GPAM: variants seen among roughly 807,000 people sequenced by gnomAD.
The protein encoded by GPAM is glycerol-3-phosphate acyltransferase, mitochondrial.
GPAM carries 56 observed loss-of-function variants against 105.0 expected under a neutral mutation model. That is an observed-to-expected ratio of 0.53 (90% CI 0.43 to 0.67). The LOEUF is 0.67. GPAM is among the 30% of genes least tolerant of loss of function. GPAM has a pLI of 0.00. For synonymous variants in GPAM, 368 were observed against 354.4 expected (o/e 1.04, Z -0.43); for missense variants, 855 against 989.8 (o/e 0.86, Z 1.83).
intron 1 of GPAM, among the ~76,000 whole-genome samples, chr10:112,202,864 G>A (rs1464394340): frequency 1.3e-5 from 2 of 152,188 alleles, no homozygotes; most frequent in African/African-American, 4.8e-5. Context: ...TTGGAAAGGT[G>A]AACATTATTT....
At chr10:112,153,799 G>GTAAA in intron 21 of GPAM, 133 bp from the exon 22 acceptor site, 1 of 858,020 alleles carries the variant, frequency 1.2e-6, no homozygotes, top group Admixed American at 2.4e-5. Flanking sequence ...CTGGCATTAA[G>GTAAA]TAAATGTATG....
In GPAM at chr10:112,178,023, C is replaced by A; in HGVS notation, c.260G>T (p.Gly87Val). 6.2e-7 allele frequency: 1 copy of A among 1,602,298 alleles called. No homozygotes were observed. The highest frequency in any genetic ancestry group is 8.5e-7 in the Non-Finnish European group (1 of 1,169,700). The change falls in exon 5 of 22, where the codon GGT (glycine) becomes GTT (valine). Residue 87 changes from glycine to valine, a missense_variant. Physicochemically the swap from Gly to Val is moderately radical, Grantham distance 109. Coordinates refer to ENST00000348367, the MANE Select transcript of GPAM (RefSeq NM_001244949.2). ...KFFNPSIPSL[G>V]LRNVIYINET... ...ATTGATATAAATAACATTCCGCAAA[C>A]CCAAAGACGGGATACTGGGGTTGAA...
chr10:112,219,800 T>C (rs917653627), upstream of GPAM, among the ~76,000 whole-genome samples: 2 of 152,136 alleles, frequency 1.3e-5, no homozygotes, highest in African/African-American at 4.8e-5. Flanking sequence ...GCCTTTAACC[T>C]CCAAAATGCC....
chr10:112,153,319 T>C lies in GPAM; in HGVS notation c.*231A>G. Reference sequence around the variant, plus strand: ...CATCTTGTAGTCTACGGATTATGAGTTGCGAATAGAGGCTGAGGTCCCCCC... The same window carrying C: ...CATCTTGTAGTCTACGGATTATGAGCTGCGAATAGAGGCTGAGGTCCCCCC... On this transcript the variant is annotated 3_prime_UTR_variant, in exon 22 of 22. Coordinates refer to ENST00000348367, the MANE Select transcript of GPAM (RefSeq NM_001244949.2). The C allele has an allele frequency of 7.1e-7, 1 of 1,403,340 alleles. No homozygotes were observed. Among genetic ancestry groups the C allele is most frequent in the Non-Finnish European group, 9.3e-7 (1 of 1,079,132 alleles). The allele number at this position is 1,403,340 out of a possible 1,614,324, so 86.9% of individuals were successfully genotyped here. A position where few individuals can be genotyped will look rare whatever the true frequency, so the allele number is the denominator to read the frequency against.
chr10:112,154,652 C>G lies in GPAM; in HGVS notation c.2347G>C (p.Val783Leu), dbSNP rs1369530440. The G allele has an allele frequency of 1.2e-6, 2 of 1,608,792 alleles. No individual in the cohort carries two copies. Among genetic ancestry groups the G allele is most frequent in the Non-Finnish European group, 1.7e-6 (2 of 1,175,318 alleles). Residue 783 changes from valine (V) to leucine (L), a missense_variant, in exon 21 of 22, where the codon GTG becomes CTG. Transcript: ENST00000348367. ...SATYCLVKNA[V>L]KMFKDIGVFK... The stretch of plus-strand genomic sequence containing the variant: ...ACCCCAATATCCTTAAACATTTTCA[C>G]AGCATTCTTCACAAGACAATATGTG...
intron 6 of GPAM, 72 bp from the exon 7 acceptor site, chr10:112,173,917 C>T: frequency 1.6e-6 from 2 of 1,239,566 alleles, no homozygotes; most frequent in Non-Finnish European, 2.4e-6. Context: ...ATTTTCTAAA[C>T]TGCAGCTGTA....
At chr10:112,179,549 G>A (rs1847468909) in intron 4 of GPAM, among the ~76,000 whole-genome samples, 1 of 152,114 alleles carries the variant, frequency 6.6e-6, no homozygotes, top group South Asian at 2.1e-4. Context: ...CAGCAGATCT[G>A]AACATTTAAC....
At chr10:112,212,375 G>T (rs1847920900) in intron 1 of GPAM, among the ~76,000 whole-genome samples, 4 of 152,074 alleles carry the variant, frequency 2.6e-5, no homozygotes, top group African/African-American at 9.7e-5. Context: ...CCATTCTCCT[G>T]CCTCAGCCTC....
Position 112,173,733 on chromosome 10 carries a change from C to A in GPAM, c.526G>T (p.Glu176Ter). ...GCCGGTGAGACAGTGGCAACCATTT[C>A]TTGAAGAATCCTTTTAGCTTTCTTT... is the stretch of plus-strand genomic sequence containing the variant. The part of the protein sequence containing the change: ...VKKKAKRILQ[E>*]MVATVSPAMI... The change falls in exon 7 of 22, where the codon GAA (glutamate) becomes TAA (stop). Residue 176 changes from glutamate (E) to a stop codon, truncating the protein, a stop_gained. Coordinates refer to ENST00000348367, the MANE Select transcript of GPAM (RefSeq NM_001244949.2). LOFTEE classifies it high-confidence loss of function. 1 of 1,613,874 alleles carries A rather than the reference C, an allele frequency of 6.2e-7. No homozygotes were observed. The highest frequency in any genetic ancestry group is 8.5e-7 in the Non-Finnish European group (1 of 1,179,768).
At chr10:112,191,629 G>C (rs1847659666) in intron 1 of GPAM, among the ~76,000 whole-genome samples, 1 of 152,218 alleles carries the variant, frequency 6.6e-6, no homozygotes, top group East Asian at 1.9e-4. Context: ...AGTAGGCTAA[G>C]TAATTGCAAC....
intron 1 of GPAM, among the ~76,000 whole-genome samples, chr10:112,201,777 T>A (rs1847800377): frequency 6.6e-6 from 1 of 152,192 alleles, no homozygotes; most frequent in Admixed American, 6.5e-5. Flanking sequence ...CTCATTAGAA[T>A]GTGAGCTCCA....
At chr10:112,156,961 T>C in intron 19 of GPAM, 1 of 575,600 alleles carries the variant, frequency 1.7e-6, no homozygotes, top group South Asian at 2.1e-5. Flanking sequence ...TCATGAGGGG[T>C]GCAGGTGTAG....
chr10:112,149,990 C>T lies in GPAM; in HGVS notation c.*3560G>A. On this transcript the variant is annotated 3_prime_UTR_variant, in exon 22 of 22. Coordinates refer to ENST00000348367, the MANE Select transcript of GPAM (RefSeq NM_001244949.2). ...TGCTCACAAAATCGCAGTTATTTCACAGTACCTTATAGTAATTCTTTTCAC... is the reference window on the plus strand; with the variant it reads ...TGCTCACAAAATCGCAGTTATTTCATAGTACCTTATAGTAATTCTTTTCAC... The T allele has an allele frequency of 1.0e-6, 1 of 984,594 alleles. No homozygotes were observed. The highest frequency in any genetic ancestry group is 1.2e-6 in the Non-Finnish European group (1 of 828,814). 61.0% of individuals were successfully genotyped at this position (984,594 alleles called of 1,614,324 possible).
Position 112,192,276 on chromosome 10 carries a change from T to C in GPAM, n.211-9385A>G, listed in dbSNP as rs560520091. Among the ~76,000 whole-genome samples the C allele has an allele frequency of 2.2e-3, 337 of 152,324 alleles. 1 individual carries two copies. The highest frequency in any genetic ancestry group is 7.7e-3 in the African/African-American group (319 of 41,572). ...CTGCTAAGTGCTGAAGACACAGGGA[T>C]GAAGAAGGTACACACAGATCCTACC... On this transcript the variant is annotated intron_variant and non_coding_transcript_variant, in intron 1 of 3. Transcript: ENST00000480130.
chr10:112,151,100 G>C lies in GPAM; in HGVS notation c.*2450C>G, dbSNP rs1485058008. 5.1e-6 allele frequency: 5 copies of C among 980,576 alleles called. No homozygotes were observed. The highest frequency in any genetic ancestry group is 6.1e-6 in the Non-Finnish European group (5 of 826,210). 60.7% of individuals were successfully genotyped at this position (980,576 alleles called of 1,614,324 possible). A position where few individuals can be genotyped will look rare whatever the true frequency, so the allele number is the denominator to read the frequency against. Reference sequence around the variant, plus strand: ...TTTCAAAAACAGACTGCAGTTTCATGTTGTTTAATATTGTTTTTTTTTTTT... The same window carrying C: ...TTTCAAAAACAGACTGCAGTTTCATCTTGTTTAATATTGTTTTTTTTTTTT... On this transcript the variant is annotated 3_prime_UTR_variant, in exon 22 of 22. Coordinates refer to ENST00000348367, the MANE Select transcript of GPAM (RefSeq NM_001244949.2).
upstream of GPAM, among the ~76,000 whole-genome samples, chr10:112,217,448 T>C (rs1384625854): frequency 2.0e-5 from 3 of 152,072 alleles, no homozygotes; most frequent in Non-Finnish European, 4.4e-5. Context: ...TTGTTTTTTT[T>C]TTTTGTGATA....
At chr10:112,167,979 G>T (rs970379603) in intron 11 of GPAM, among the ~76,000 whole-genome samples, 2 of 152,150 alleles carry the variant, frequency 1.3e-5, no homozygotes, top group African/African-American at 4.8e-5. Flanking sequence ...TAAGCCCTGG[G>T]GAGAACAAAC....
intron 1 of GPAM, among the ~76,000 whole-genome samples, chr10:112,194,121 C>T (rs995071149): frequency 6.6e-6 from 1 of 152,186 alleles, no homozygotes; most frequent in Non-Finnish European, 1.5e-5. Context: ...GGGACCCAGG[C>T]TGAGGAAGGT....
chr10:112,156,387 C>A, intron 19 of GPAM: 1 of 342,184 alleles, frequency 2.9e-6, no homozygotes, highest in Non-Finnish European at 5.6e-6. Context: ...AGACCAGGCC[C>A]TCCATGGTTT....
Sources: allele counts gnomAD v4.1 joint callset (sites outside exome capture counted in the v4.1 genomes callset), GRCh38; gene constraint gnomAD v4.1.1; transcripts MANE v1.5; gene names NCBI Gene and HGNC (gene_info 2026-07-23, HGNC 2026-07-21).